NELL1: variants seen among roughly 807,000 people sequenced by gnomAD.
NELL1 encodes neural EGFL like 1.
In NELL1, 76 loss-of-function variants were observed where a neutral mutation model predicts 107.4. That is an observed-to-expected ratio of 0.71 (90% CI 0.59 to 0.86). The LOEUF (loss-of-function observed/expected upper bound fraction) is 0.86, where lower values mean the gene tolerates loss of function less well. NELL1 is among the 40% of genes least tolerant of loss of function. The probability of loss-of-function intolerance (pLI) is 0.00; values close to 1 mark genes in which losing one functional copy is unlikely to be tolerated. For synonymous variants in NELL1, 353 were observed against 341.2 expected (o/e 1.03, Z -0.38); for missense variants, 1,024 against 1,005.5 (o/e 1.02, Z -0.25).
Position 21,273,522 on chromosome 11 carries a change from G to A in NELL1, c.1549+44068G>A, listed in dbSNP as rs1335302448. 1.3e-5 allele frequency among the ~76,000 whole-genome samples: 2 copies of A among 152,176 alleles called. 1 individual carries two copies. The stretch of plus-strand genomic sequence containing the variant: ...GAACTTCCCCAATCTAGCAAGGCAG[G>A]CCAACATTCAAATTCAGGAAAGACA... On this transcript the variant is annotated intron_variant, in intron 14 of 19. Transcript: ENST00000357134.
At chr11:21,040,350 G>A (rs1305922788) in intron 12 of NELL1, among the ~76,000 whole-genome samples, 2 of 152,032 alleles carry the variant, frequency 1.3e-5, no homozygotes, top group Non-Finnish European at 2.9e-5. Context: ...ATATGTATGA[G>A]TTGATAAACA....
chr11:21,379,738 CCG>C (rs1170269770), intron 15 of NELL1, among the ~76,000 whole-genome samples: 3 of 152,004 alleles, frequency 2.0e-5, no homozygotes, highest in Admixed American at 1.3e-4. Flanking sequence ...TTTCTGTGCC[CCG>C]CGGACTTGCA....
intron 13 of NELL1, among the ~76,000 whole-genome samples, chr11:21,148,663 T>G (rs1036198578): frequency 6.6e-6 from 1 of 152,148 alleles, no homozygotes; most frequent in Non-Finnish European, 1.5e-5. Flanking sequence ...ACAACCCCCC[T>G]GCACACCTTT....
At chr11:21,472,643 T>G (rs1325117084) in intron 15 of NELL1, among the ~76,000 whole-genome samples, 1 of 152,000 alleles carries the variant, frequency 6.6e-6, no homozygotes, top group African/African-American at 2.4e-5. Flanking sequence ...AAATACTAAT[T>G]AGGGAGCAAT....
intron 5 of NELL1, among the ~76,000 whole-genome samples, chr11:20,899,341 C>T (rs1471317929): frequency 6.6e-6 from 1 of 152,046 alleles, no homozygotes; most frequent in Non-Finnish European, 1.5e-5. Flanking sequence ...GATAACTAAC[C>T]TCCCACCTTT....
chr11:21,469,456 T>C (rs555023826), intron 15 of NELL1, among the ~76,000 whole-genome samples: 1 of 152,142 alleles, frequency 6.6e-6, no homozygotes, highest in East Asian at 1.9e-4. Context: ...AGCCTTAGAA[T>C]TTCATAATTT....
At chr11:21,377,331 A>G (rs754987163) in intron 15 of NELL1, among the ~76,000 whole-genome samples, 1 of 152,040 alleles carries the variant, frequency 6.6e-6, no homozygotes, top group East Asian at 1.9e-4. Flanking sequence ...AATTCTGTTT[A>G]TGTATTGAAT....
chr11:21,399,471 G>T (rs1006053491), intron 15 of NELL1, among the ~76,000 whole-genome samples: 4 of 151,452 alleles, frequency 2.6e-5, no homozygotes, highest in Non-Finnish European at 5.9e-5. Flanking sequence ...TAACATGTTT[G>T]GTTCTTAGCT....
rs1338551996 is a variant in NELL1, at chr11:21,113,609, A to G, written c.1321A>G (p.Lys441Glu). The change falls in exon 13 of 20, where the codon AAG becomes GAG. Residue 441 changes from lysine to glutamate, a missense_variant. Transcript: ENST00000357134. ...TTCAGATATTGATGAGTGTGCAGCT[A>G]AGATGCATTACTGTCATGCCAATAC... is the stretch of plus-strand genomic sequence containing the variant. ...YCEDIDECAA[K>E]MHYCHANTVC... The G allele has an allele frequency of 6.2e-7, 1 of 1,611,890 alleles. No individual in the cohort carries two copies. Among genetic ancestry groups the G allele is most frequent in the South Asian group, 1.1e-5 (1 of 90,964 alleles).
rs541694747 is a variant in NELL1, at chr11:21,562,850, G to A, written c.1980+2468G>A. ...GAAATAGAGTTAAAATTTTTAAAAG[G>A]CTACTTTCCCCTTTGAGAGTCAGTA... On this transcript the variant is annotated intron_variant, in intron 17 of 19. Transcript: ENST00000357134. Among the ~76,000 whole-genome samples, 45 of 152,088 alleles carry A rather than the reference G, an allele frequency of 3.0e-4. 3 individuals are homozygous for A. In the South Asian group the frequency reaches 7.3e-3, roughly 25 times the overall value.
intron 15 of NELL1, among the ~76,000 whole-genome samples, chr11:21,422,171 G>A (rs73459527): frequency 0.029 from 4,408 of 151,284 alleles, 222 homozygotes; most frequent in African/African-American, 0.099. Context: ...GAAGAAGAGA[G>A]ACAAAGAGAG....
At position 21,465,860 on chromosome 11, in the gene NELL1, T is replaced by A. The variant is rs147612598; in HGVS notation, c.1646-68514T>A. Among the ~76,000 whole-genome samples the A allele has an allele frequency of 2.9e-3, 447 of 152,174 alleles. 2 individuals are homozygous for A. The highest frequency in any genetic ancestry group is 0.01 in the African/African-American group (422 of 41,526). ...GTCAGAATAACCCTGGTAACTTACT[T>A]GAACATTAAAAAAATCTAAGCCATA... On this transcript the variant is annotated intron_variant, in intron 15 of 19. Transcript: ENST00000357134.
At chr11:21,167,027 C>A (rs1856499130) in intron 13 of NELL1, among the ~76,000 whole-genome samples, 1 of 151,924 alleles carries the variant, frequency 6.6e-6, no homozygotes, top group African/African-American at 2.4e-5. Context: ...GGAAAGAACT[C>A]AAGTTCCTTA....
chr11:21,526,975 C>T (rs1027925150), intron 15 of NELL1, among the ~76,000 whole-genome samples: 1 of 152,190 alleles, frequency 6.6e-6, no homozygotes, highest in Admixed American at 6.5e-5. Context: ...CAAATTTCTG[C>T]TGCCTGCTTG....
At chr11:21,134,773 C>G (rs578164236) in intron 13 of NELL1, among the ~76,000 whole-genome samples, 1 of 152,118 alleles carries the variant, frequency 6.6e-6, no homozygotes, top group Non-Finnish European at 1.5e-5. Flanking sequence ...TTAAATAGAG[C>G]GTGCTTTGAA....
In NELL1 at chr11:20,883,651, A is replaced by G. The variant is rs1272140258; in HGVS notation, c.507-1793A>G. Among the ~76,000 whole-genome samples, 3 of 152,338 alleles carry G rather than the reference A, an allele frequency of 2.0e-5. No individual in the cohort carries two copies. In the East Asian group the frequency reaches 5.8e-4, roughly 29 times the overall value. ...CTTTTGGTATTTACCAACATTGAAC[A>G]TCATTTGTGCCTCATTATCTCTATA... On this transcript the variant is annotated intron_variant, in intron 4 of 19. Transcript: ENST00000357134.
At chr11:21,145,706 G>T (rs190300701) in intron 13 of NELL1, among the ~76,000 whole-genome samples, 1 of 152,212 alleles carries the variant, frequency 6.6e-6, no homozygotes, top group East Asian at 1.9e-4. Context: ...GGTTCTGGGG[G>T]CCCGTCCTTA....
intron 13 of NELL1, among the ~76,000 whole-genome samples, chr11:21,145,240 T>C (rs1438431105): frequency 6.6e-6 from 1 of 152,198 alleles, no homozygotes; most frequent in Non-Finnish European, 1.5e-5. Flanking sequence ...ATTATTCCCA[T>C]TTTACAAATG....
At chr11:20,711,778 G>T in intron 2 of NELL1, among the ~76,000 whole-genome samples, 1 of 152,014 alleles carries the variant, frequency 6.6e-6, no homozygotes, top group East Asian at 1.9e-4. Flanking sequence ...TTCCTTTATA[G>T]GTTACTTGAT....
Sources: allele counts gnomAD v4.1 joint callset (sites outside exome capture counted in the v4.1 genomes callset), GRCh38; gene constraint gnomAD v4.1.1; transcripts MANE v1.5; gene names NCBI Gene and HGNC (gene_info 2026-07-23, HGNC 2026-07-21).